CCP110: variants seen among roughly 807,000 people sequenced by gnomAD.
CCP110 encodes centriolar coiled-coil protein 110.
A neutral mutation model predicts 105.5 loss-of-function variants in CCP110; 43 were observed. The ratio of observed to expected loss-of-function variants is 0.41; its 90% CI spans 0.32 to 0.53. The LOEUF (loss-of-function observed/expected upper bound fraction) is 0.53. Ranked by LOEUF, CCP110 falls within the 20% of genes least tolerant of loss-of-function variation. The pLI is 0.32. For synonymous variants in CCP110, 353 were observed against 392.1 expected (o/e 0.90, Z 1.18); for missense variants, 1,016 against 1,189.1 (o/e 0.85, Z 2.14).
chr16:19,530,853 C>A (rs985705602), intron 2 of CCP110, among the ~76,000 whole-genome samples: 3 of 152,036 alleles, frequency 2.0e-5, no homozygotes, highest in African/African-American at 7.3e-5. Context: ...GTGCGTTAGG[C>A]CGAGGCAGGA....
At chr16:19,542,411 T>G (rs1970318116) in intron 6 of CCP110, among the ~76,000 whole-genome samples, 1 of 152,222 alleles carries the variant, frequency 6.6e-6, no homozygotes, top group African/African-American at 2.4e-5. Flanking sequence ...ATAGCTTATC[T>G]TCATATCTCA....
chr16:19,545,735 G>T, intron 10 of CCP110, 82 bp from the exon 11 acceptor site: 1 of 734,662 alleles, frequency 1.4e-6, no homozygotes. Context: ...GCTTTTCCAG[G>T]CAATGTGGGA....
exon 7 of CCP110, chr16:19,542,638 A>G (rs773399658): frequency 1.2e-6 from 2 of 1,612,146 alleles, no homozygotes; most frequent in South Asian, 1.1e-5. Flanking sequence ...AAATTCTGCC[A>G]TGCAATATAG....
chr16:19,540,713 C>G (rs1970246703), exon 5 of CCP110: 4 of 1,612,736 alleles, frequency 2.5e-6, no homozygotes, highest in Non-Finnish European at 3.4e-6. Flanking sequence ...GCGGAAGAGA[C>G]TAGAAGAACA....
chr16:19,551,987 G>C (rs1970656059), exon 15 of CCP110: 1 of 152,184 alleles, frequency 6.6e-6, no homozygotes. Flanking sequence ...CTTGAATGTA[G>C]CTCTTGGGAA....
exon 4 of CCP110, chr16:19,536,043 A>G (rs1567353170): frequency 1.2e-6 from 2 of 1,614,012 alleles, no homozygotes; most frequent in South Asian, 1.1e-5. Context: ...ACATTTCCAA[A>G]TAGCTTTCCA....
chr16:19,541,917 G>A (rs770549152), exon 6 of CCP110: 1 of 1,598,052 alleles, frequency 6.3e-7, no homozygotes, highest in Non-Finnish European at 8.5e-7. Flanking sequence ...AATGTTAAAA[G>A]AGAAGAAGGC....
chr16:19,541,708 AGAGG>A (rs1387564898), intron 5 of CCP110, among the ~76,000 whole-genome samples, 175 bp from the exon 6 acceptor site: 3 of 146,946 alleles, frequency 2.0e-5, no homozygotes, highest in South Asian at 2.3e-4. Context: ...AGAAAAGAAA[AGAGG>A]GAGGGAGGGA....
chr16:19,535,568 G>A (rs573230054), intron 3 of CCP110, among the ~76,000 whole-genome samples: 1 of 152,150 alleles, frequency 6.6e-6, no homozygotes, highest in South Asian at 2.1e-4. Context: ...AGTTGGTAAT[G>A]TTAATAACAT....
intron 2 of CCP110, 145 bp from the exon 3 acceptor site, chr16:19,532,271 C>A: frequency 3.3e-6 from 2 of 604,562 alleles, no homozygotes; most frequent in Non-Finnish European, 5.5e-6. Context: ...CCATCCCACT[C>A]AGTACCCAGA....
chr16:19,532,462 C>A (rs1013038359), exon 3 of CCP110: 8 of 1,608,994 alleles, frequency 5.0e-6, no homozygotes, highest in Non-Finnish European at 6.8e-6. Context: ...AAGCAGAAAG[C>A]ACTTGATGTA....
At position 19,545,798 on chromosome 16, in the gene CCP110, T is replaced by A. The variant is rs1388071282; in HGVS notation, c.2704-19T>A. 1.8e-5 allele frequency: 27 copies of A among 1,463,126 alleles called. No individual in the cohort carries two copies. Among genetic ancestry groups the A allele is most frequent in the Non-Finnish European group, 2.5e-5 (26 of 1,045,094 alleles). The allele number at this position is 1,463,126 out of a possible 1,614,324, so 90.6% of individuals were successfully genotyped here. A position where few individuals can be genotyped will look rare whatever the true frequency, so the allele number is the denominator to read the frequency against. On this transcript the variant is annotated intron_variant, in intron 10 of 14. Transcript: ENST00000381396. ...TAATTGGTTCCAGTAGAGTTTGACG[T>A]TACTTTTGTATATTAAAGGATAAAA...
At position 19,545,192 on chromosome 16, in the gene CCP110, GA is replaced by G; in HGVS notation, c.2689del (p.Met897CysfsTer8). 1 of 1,597,206 alleles carries G rather than the reference GA, an allele frequency of 6.3e-7. No individual in the cohort carries two copies. The highest frequency in any genetic ancestry group is 1.1e-5 in the South Asian group (1 of 90,296). ...ATCATGATCGAGAAGTTCGCAAAGA[GA>G]AAATGCTCAGGCAAATGGTATGTTA... On this transcript the variant is annotated frameshift_variant, in exon 10 of 15. Transcript: ENST00000381396. LOFTEE classifies it high-confidence loss of function.
intron 12 of CCP110, chr16:19,547,229 A>T (rs1407634379): frequency 6.6e-6 from 1 of 152,122 alleles, no homozygotes; most frequent in Non-Finnish European, 1.5e-5. Context: ...AGATGGTGAA[A>T]TCCTGTCTCT....
intron 14 of CCP110, among the ~76,000 whole-genome samples, chr16:19,549,741 A>G (rs1366550337): frequency 6.6e-6 from 1 of 152,216 alleles, no homozygotes; most frequent in East Asian, 1.9e-4. Flanking sequence ...TTAGTATTCT[A>G]TATTGCACTG....
chr16:19,535,795 G>A (rs867196928), intron 3 of CCP110, 145 bp from the exon 4 acceptor site: 58 of 610,962 alleles, frequency 9.5e-5, no homozygotes, highest in Admixed American at 2.4e-4. Flanking sequence ...ACAGGATACC[G>A]TAGAAACCTG....
intron 3 of CCP110, among the ~76,000 whole-genome samples, chr16:19,534,774 T>G (rs1969988787): frequency 6.6e-6 from 1 of 152,060 alleles, no homozygotes. Context: ...TGGAAACCAT[T>G]ACCTGTCTTG....
At chr16:19,551,158 C>G (rs1429933271) in intron 14 of CCP110, 38 bp from the exon 14 acceptor site, 1 of 1,234,996 alleles carries the variant, frequency 8.1e-7, no homozygotes, top group Non-Finnish European at 1.2e-6. Context: ...TAGAAAACCT[C>G]CCATTGAGAA....
intron 11 of CCP110, chr16:19,546,160 G>C (rs1011975466): frequency 1.9e-5 from 10 of 521,054 alleles, no homozygotes; most frequent in Non-Finnish European, 3.0e-5. Flanking sequence ...TATATTCAGT[G>C]CCTAAATATA....
Sources: allele counts gnomAD v4.1 joint callset (sites outside exome capture counted in the v4.1 genomes callset), GRCh38; gene constraint gnomAD v4.1.1; transcripts MANE v1.5; gene names NCBI Gene and HGNC (gene_info 2026-07-23, HGNC 2026-07-21).